Variants in SHMT1 observed in about 807,000 individuals in gnomAD.
SHMT1 encodes serine hydroxymethyltransferase, cytosolic.
Under a neutral mutation model 49.0 loss-of-function variants are expected in SHMT1, and 45 were observed. That is an observed-to-expected ratio of 0.92 (90% CI 0.72 to 1.18). The LOEUF (loss-of-function observed/expected upper bound fraction) is 1.18. Among genes scored for constraint, SHMT1 ranks in the 50% most tolerant of loss-of-function variants. The pLI, the probability that SHMT1 is intolerant of heterozygous loss-of-function variation, is 0.00. For missense variants in SHMT1, 541 were observed against 612.4 expected (o/e 0.88, Z 1.23); for synonymous variants, 232 against 246.6 (o/e 0.94, Z 0.55).
At position 18,351,210 on chromosome 17, in the gene SHMT1, G is replaced by A. The variant is rs564996258; in HGVS notation, c.242+2462C>T. Among the ~76,000 whole-genome samples, 205 of 151,546 alleles carry A rather than the reference G, an allele frequency of 1.4e-3. 1 individual carries two copies. The highest frequency in any genetic ancestry group is 4.5e-3 in the African/African-American group (187 of 41,312). On this transcript the variant is annotated intron_variant, in intron 3 of 11. Coordinates refer to ENST00000316694, the MANE Select transcript of SHMT1 (RefSeq NM_004169.5). ...GGCTGGAGTGCAGTGGCGCGATCTC[G>A]GCTCACTGCAAACTCCACCTCCCAG...
At chr17:18,332,811 C>CATCA in intron 9 of SHMT1, 1 of 371,430 alleles carries the variant, frequency 2.7e-6, no homozygotes, top group South Asian at 2.1e-5. Context: ...CAGTGCAAGG[C>CATCA]ATCACCACAC....
At chr17:18,346,574 G>GTGGCAA (rs1198273337) in intron 5 of SHMT1, among the ~76,000 whole-genome samples, 1 of 152,288 alleles carries the variant, frequency 6.6e-6, no homozygotes, top group African/African-American at 2.4e-5. Flanking sequence ...GTGCAGTGGG[G>GTGGCAA]TGGCAATGGC....
chr17:18,350,297 C>T (rs937664378), intron 3 of SHMT1, among the ~76,000 whole-genome samples: 3 of 152,186 alleles, frequency 2.0e-5, no homozygotes, highest in Non-Finnish European at 4.4e-5. Flanking sequence ...TGCCACTGCG[C>T]TCCAGCCTGG....
chr17:18,355,586 T>C (rs1387352307), intron 2 of SHMT1, among the ~76,000 whole-genome samples: 4 of 152,044 alleles, frequency 2.6e-5, no homozygotes, highest in Non-Finnish European at 5.9e-5. Context: ...AAAGGTGCTT[T>C]CAGATGTCTA....
At chr17:18,351,605 AAAAT>A (rs1985712220) in intron 3 of SHMT1, among the ~76,000 whole-genome samples, 1 of 152,028 alleles carries the variant, frequency 6.6e-6, no homozygotes, top group Non-Finnish European at 1.5e-5. Flanking sequence ...AAAAATACAA[AAAAT>A]AAATAAATAA....
chr17:18,348,070 C>A (rs1306603634), intron 4 of SHMT1, among the ~76,000 whole-genome samples: 1 of 152,120 alleles, frequency 6.6e-6, no homozygotes, highest in African/African-American at 2.4e-5. Flanking sequence ...CAGGCATGTG[C>A]CACTACACCC....
chr17:18,339,158 T>C (rs1355001176), intron 7 of SHMT1, among the ~76,000 whole-genome samples: 2 of 149,940 alleles, frequency 1.3e-5, no homozygotes, highest in Non-Finnish European at 3.0e-5. Context: ...GGCTAAATGA[T>C]GACCTGACCA....
intron 1 of SHMT1, among the ~76,000 whole-genome samples, chr17:18,357,229 C>T (rs564829511): frequency 7.4e-6 from 1 of 136,020 alleles, no homozygotes; most frequent in African/African-American, 2.9e-5. Context: ...TGCAGTGAGC[C>T]GAGATCACAC....
At chr17:18,362,277 G>A (rs1244706381) in intron 1 of SHMT1, among the ~76,000 whole-genome samples, 1 of 152,096 alleles carries the variant, frequency 6.6e-6, no homozygotes, top group Non-Finnish European at 1.5e-5. Context: ...GTTCCCCCAA[G>A]TAATAAATTT....
At chr17:18,333,039 C>T (rs1462290721) in intron 9 of SHMT1, 127 bp downstream of exon 9, 3 of 1,265,332 alleles carry the variant, frequency 2.4e-6, no homozygotes, top group Admixed American at 3.6e-5. Flanking sequence ...CTGACCTCCT[C>T]CCAAGGTGGG....
intron 8 of SHMT1, 122 bp from the exon 9 acceptor site, chr17:18,333,410 C>T (rs967585220): frequency 9.0e-6 from 7 of 777,018 alleles, no homozygotes; most frequent in Admixed American, 5.0e-5. Context: ...CTTGCTTTTG[C>T]GTTGGATTAT....
chr17:18,347,610 A>G lies in SHMT1; in HGVS notation c.405T>C (p.His135=), dbSNP rs1350086831. The G allele has an allele frequency of 6.2e-7, 1 of 1,614,044 alleles. No homozygotes were observed. The highest frequency in any genetic ancestry group is 8.5e-7 in the Non-Finnish European group (1 of 1,180,024). The part of the protein sequence containing the change: ...FAVYTALVEP[H]GRIMGLDLPD... The stretch of plus-strand genomic sequence containing the variant: ...GAAGGTCCAGGCCCATGATGCGCCC[A>G]TGGGGTTCCACCAGGGCAGTGTACA... Residue 135 remains histidine, a synonymous_variant, in exon 5 of 12, where the codon CAT becomes CAC. Coordinates refer to ENST00000316694, the MANE Select transcript of SHMT1 (RefSeq NM_004169.5).
Position 18,340,571 on chromosome 17 carries a change from T to C in SHMT1, c.601+161A>G. On this transcript the variant is annotated intron_variant, in intron 6 of 11. Transcript: ENST00000316694. This position sits in a 1 kb window ranked among gnomAD's most constrained non-coding sequence, Gnocchi z 4.5. Reference sequence around the variant, plus strand: ...GCACAAAAAGCAGCAAACACACATCTGTATCCTGAAAGAAACTAATATATG... The same window carrying C: ...GCACAAAAAGCAGCAAACACACATCCGTATCCTGAAAGAAACTAATATATG... 1 of 726,392 alleles carries C rather than the reference T, an allele frequency of 1.4e-6. No homozygotes were observed. The highest frequency in any genetic ancestry group is 2.5e-6 in the Non-Finnish European group (1 of 405,754). 45.0% of individuals were successfully genotyped at this position (726,392 alleles called of 1,614,324 possible).
chr17:18,362,724 C>G (rs1986886855), intron 1 of SHMT1, among the ~76,000 whole-genome samples: 1 of 152,166 alleles, frequency 6.6e-6, no homozygotes, highest in South Asian at 2.1e-4. Flanking sequence ...TCAGCTGGAC[C>G]AAGGGTCACT....
At chr17:18,348,730 T>C in intron 3 of SHMT1, 1 of 539,458 alleles carries the variant, frequency 1.9e-6, no homozygotes. Flanking sequence ...ATCCCAGCAC[T>C]TTGAGGAGCC....
At chr17:18,358,275 A>T (rs1321096950) in intron 1 of SHMT1, among the ~76,000 whole-genome samples, 1 of 149,564 alleles carries the variant, frequency 6.7e-6, no homozygotes, top group Non-Finnish European at 1.5e-5. Context: ...GCGGATCAGG[A>T]GGTCAGGAGA....
intron 3 of SHMT1, among the ~76,000 whole-genome samples, chr17:18,349,798 A>T (rs1220878063): frequency 2.0e-5 from 3 of 152,044 alleles, no homozygotes; most frequent in Non-Finnish European, 4.4e-5. Flanking sequence ...AAGTGGGCGG[A>T]TCACCTGACG....
At chr17:18,344,400 C>T (rs919896196) in intron 5 of SHMT1, among the ~76,000 whole-genome samples, 2 of 151,938 alleles carry the variant, frequency 1.3e-5, no homozygotes, top group Admixed American at 6.6e-5. Context: ...GGCATGGTGG[C>T]TCACGCCTGT....
intron 11 of SHMT1, 96 bp downstream of exon 11, chr17:18,329,182 G>T: frequency 1.0e-6 from 1 of 975,636 alleles, no homozygotes; most frequent in Non-Finnish European, 1.6e-6. Flanking sequence ...CCTTGGTGCA[G>T]AATTGTCTTT....
Sources: gnomAD v4.1 joint callset for allele counts (sites outside exome capture counted in the v4.1 genomes callset) on GRCh38, gnomAD v4.1.1 for gene constraint, Gnocchi (gnomAD v3.1) non-coding constraint, MANE v1.5 for transcripts, NCBI Gene and HGNC (gene_info 2026-07-23, HGNC 2026-07-21) for gene names.